The following HPD variants were observed in gnomAD, a reference collection of about 807,000 sequenced individuals.
The protein encoded by HPD is 4-hydroxyphenylpyruvate dioxygenase.
In HPD, 35 loss-of-function variants were observed where a neutral mutation model predicts 56.9. That is an observed-to-expected ratio of 0.62 (90% CI 0.47 to 0.82). The LOEUF (loss-of-function observed/expected upper bound fraction) is 0.82. HPD is among the 40% of genes least tolerant of loss of function. HPD has a pLI of 0.00. For synonymous variants in HPD, 186 were observed against 200.2 expected, an observed-to-expected ratio of 0.93 and a Z score of 0.60; for missense variants, 442 against 506.8, an observed-to-expected ratio of 0.87 and a Z score of 1.23.
chr12:121,843,430 T>C (rs1021492115), intron 12 of HPD, among the ~76,000 whole-genome samples: 2 of 152,208 alleles, frequency 1.3e-5, no homozygotes, highest in Admixed American at 1.3e-4. Context: ...TAGACTTCAC[T>C]CAGATGTCAC....
At chr12:121,864,713 C>G (rs558236547), upstream of HPD, among the ~76,000 whole-genome samples, 1 of 150,120 alleles carries the variant, frequency 6.7e-6, no homozygotes, top group Non-Finnish European at 1.5e-5. Flanking sequence ...ATTAGCCAGG[C>G]ATGGTGGCAG....
chr12:121,858,952 C>G, upstream of HPD: 1 of 1,095,516 alleles, frequency 9.1e-7, no homozygotes, highest in Admixed American at 1.8e-5. Flanking sequence ...GAGCTGAGCC[C>G]AGCCCTGGAA....
Position 121,855,197 on chromosome 12 carries a change from C to T in HPD, c.325-405G>A, listed in dbSNP as rs548185686. Among the ~76,000 whole-genome samples, 4 of 152,320 alleles carry T rather than the reference C, an allele frequency of 2.6e-5. No individual in the cohort carries two copies. In the East Asian group the frequency reaches 7.7e-4, roughly 29 times the overall value. On this transcript the variant is annotated intron_variant, in intron 6 of 13. Transcript: ENST00000289004. ...CAGTGCTTATATCATGCACCAGGCTCTGTTCTAGATTCTAACCTCGTTCAT... is the reference window on the plus strand; with the variant it reads ...CAGTGCTTATATCATGCACCAGGCTTTGTTCTAGATTCTAACCTCGTTCAT...
the HPD span, among the ~76,000 whole-genome samples, chr12:121,873,736 C>T: frequency 3.3e-5 from 5 of 151,980 alleles, no homozygotes; most frequent in East Asian, 5.8e-4. Flanking sequence ...AGGAGAATGG[C>T]GTGAACCCGG....
chr12:121,845,325 A>G lies in HPD; in HGVS notation c.832-1493T>C, dbSNP rs538330910. On this transcript the variant is annotated intron_variant, in intron 11 of 13. Coordinates refer to ENST00000289004, the MANE Select transcript of HPD (RefSeq NM_002150.3). ...AAGATGAGGTCTTATGGCCGGGCGCAGTGGCTCACACCTGTAATCCCAGCA... is the reference window on the plus strand; with the variant it reads ...AAGATGAGGTCTTATGGCCGGGCGCGGTGGCTCACACCTGTAATCCCAGCA... 5.4e-3 allele frequency among the ~76,000 whole-genome samples: 809 copies of G among 149,160 alleles called. 84 individuals are homozygous for G. The highest frequency in any genetic ancestry group is 0.019 in the African/African-American group (720 of 38,906).
the HPD span, among the ~76,000 whole-genome samples, chr12:121,884,565 C>T: frequency 6.6e-6 from 1 of 152,040 alleles, no homozygotes; most frequent in East Asian, 1.9e-4. Flanking sequence ...CCTTGATCTC[C>T]CAGAGATATA....
At chr12:121,862,328 G>A (rs189707894), upstream of HPD, among the ~76,000 whole-genome samples, 395 of 147,604 alleles carry the variant, frequency 2.7e-3, 2 homozygotes, top group African/African-American at 9.3e-3. Context: ...ACGGAGTCTC[G>A]CTCTTGCTGC....
the HPD span, among the ~76,000 whole-genome samples, chr12:121,870,609 T>TG: frequency 6.6e-6 from 1 of 151,216 alleles, no homozygotes; most frequent in African/African-American, 2.4e-5. Context: ...TTTTTTTTTT[T>TG]TTTTGAGACA....
At chr12:121,850,018 C>CA (rs532059538) in intron 7 of HPD, 7,381 of 535,958 alleles carry the variant, frequency 0.014, 120 homozygotes, top group South Asian at 0.05. Flanking sequence ...ATGGTGTACC[C>CA]AGCGCCAAGC....
chr12:121,874,764 T>G, the HPD span, among the ~76,000 whole-genome samples: 1 of 121,158 alleles, frequency 8.3e-6, no homozygotes, highest in East Asian at 2.1e-4. Flanking sequence ...TTTGTCACTT[T>G]CTTTTTTTTT....
chr12:121,843,030 A>C (rs775644824), intron 12 of HPD, among the ~76,000 whole-genome samples: 2 of 152,146 alleles, frequency 1.3e-5, no homozygotes, highest in Non-Finnish European at 2.9e-5. Context: ...ACAAGCATGA[A>C]CCACCACACC....
chr12:121,876,489 G>A, the HPD span, among the ~76,000 whole-genome samples: 1 of 152,028 alleles, frequency 6.6e-6, no homozygotes, highest in African/African-American at 2.4e-5. Context: ...CAAGGCCCGG[G>A]GTACATCAAA....
intron 11 of HPD, among the ~76,000 whole-genome samples, chr12:121,846,490 T>A (rs1246215039): frequency 6.6e-6 from 1 of 152,216 alleles, no homozygotes; most frequent in African/African-American, 2.4e-5. Flanking sequence ...GTGCTGGGAT[T>A]ACAGGTGTGA....
chr12:121,865,097 G>A (rs1216575012), upstream of HPD, among the ~76,000 whole-genome samples: 2 of 151,784 alleles, frequency 1.3e-5, no homozygotes, highest in Non-Finnish European at 2.9e-5. Context: ...GTGAAACCCC[G>A]TCTCTACTAA....
chr12:121,858,779 C>T, intron 1 of HPD, 42 bp downstream of exon 1: 1 of 1,614,066 alleles, frequency 6.2e-7, no homozygotes, highest in East Asian at 2.2e-5. Context: ...GGAAGCGTTA[C>T]TGAAGATGTC....
chr12:121,874,979 C>T, the HPD span, among the ~76,000 whole-genome samples: 2 of 152,094 alleles, frequency 1.3e-5, no homozygotes, highest in Admixed American at 6.6e-5. Flanking sequence ...AGGCTGGTCT[C>T]GAACTCCCAA....
the HPD span, among the ~76,000 whole-genome samples, chr12:121,872,693 C>T: frequency 0.46 from 69,219 of 151,426 alleles, 16,316 homozygotes; most frequent in African/African-American, 0.54. Context: ...CTGGCCAGAA[C>T]TGGCCATATG....
intron 11 of HPD, among the ~76,000 whole-genome samples, chr12:121,844,101 A>G (rs947434451): frequency 1.3e-5 from 2 of 151,860 alleles, no homozygotes; most frequent in Non-Finnish European, 2.9e-5. Context: ...CCCAGGCTGG[A>G]GTGCAGTGGC....
In HPD at chr12:121,857,441, C is replaced by T. The variant is rs780609772; in HGVS notation, c.94-9G>A. 6 of 1,590,712 alleles carry T rather than the reference C, an allele frequency of 3.8e-6. No individual in the cohort carries two copies. The East Asian group carries it at 8.9e-5, about 24-fold the overall frequency. The stretch of plus-strand genomic sequence containing the variant: ...CAGTAGAATGACGTGGCCTGAATCA[C>T]AGGGTTGCAGCAGGGTTCATGAGGG... On this transcript the variant is annotated splice_polypyrimidine_tract_variant and intron_variant, in intron 3 of 13. Coordinates refer to ENST00000289004, the MANE Select transcript of HPD (RefSeq NM_002150.3).
Sources: allele counts gnomAD v4.1 joint callset (sites outside exome capture counted in the v4.1 genomes callset), GRCh38; gene constraint gnomAD v4.1.1; transcripts MANE v1.5; gene names NCBI Gene and HGNC (gene_info 2026-07-23, HGNC 2026-07-21).